LRFN5: variants seen among roughly 807,000 people sequenced by gnomAD.
LRFN5 encodes the protein leucine rich repeat and fibronectin type III domain containing 5, also known as leucine-rich repeat and fibronectin type-III domain-containing protein 5.
Under a neutral mutation model 45.6 loss-of-function variants are expected in LRFN5, and 24 were observed. That is an observed-to-expected ratio of 0.53 (90% confidence interval 0.38 to 0.74). The LOEUF is 0.74. Among genes scored for constraint, LRFN5 ranks in the 30% least tolerant of loss-of-function variants. The pLI, the probability that LRFN5 is intolerant of heterozygous loss-of-function variation, is 0.00. For synonymous variants in LRFN5, 340 were observed against 313.8 expected, an observed-to-expected ratio of 1.08 and a Z score of -0.88; for missense variants, 776 against 861.5, an observed-to-expected ratio of 0.90 and a Z score of 1.24.
At chr14:41,794,423 A>T (rs74045427) in intron 2 of LRFN5, among the ~76,000 whole-genome samples, 2,145 of 152,090 alleles carry the variant, frequency 0.014, 43 homozygotes, top group African/African-American at 0.049. Context: ...GACTTTTCTG[A>T]TTCATTTAAT....
intron 2 of LRFN5, among the ~76,000 whole-genome samples, chr14:41,848,873 A>C (rs1257834362): frequency 6.6e-6 from 1 of 152,072 alleles, no homozygotes; most frequent in Non-Finnish European, 1.5e-5. Context: ...GACCCTGAGA[A>C]TAAAGACTTC....
chr14:41,640,725 A>G (rs1315216786), intron 1 of LRFN5, among the ~76,000 whole-genome samples: 1 of 152,152 alleles, frequency 6.6e-6, no homozygotes, highest in Non-Finnish European at 1.5e-5. Flanking sequence ...TATTGTACAA[A>G]TAAATACTTT....
intron 2 of LRFN5, among the ~76,000 whole-genome samples, chr14:41,839,920 C>G (rs17781439): frequency 0.19 from 29,475 of 152,024 alleles, 3,720 homozygotes; most frequent in Middle Eastern, 0.33. Context: ...CAAATCAAGA[C>G]AGGCATGCTG....
At position 41,887,836 on chromosome 14, in the gene LRFN5, G is replaced by A; in HGVS notation, c.1211G>A (p.Gly404Asp). ...GATATCTCAACTTCTACCAAGTCAG[G>A]TTCTAATACAAGCAGTAGTAATGGT... ...SSDISTSTKS[G>D]SNTSSSNGDT... The change falls in exon 3 of 6, where the codon GGT (glycine) becomes GAT (aspartate). Residue 404 changes from glycine to aspartate, a missense_variant. By Grantham distance (94) the Gly-to-Asp change is moderately conservative (BLOSUM62 -1). This residue lies in a region of LRFN5 where 465 missense variants were observed against 456.4 expected (regional missense o/e 1.02). Coordinates refer to ENST00000298119, the MANE Select transcript of LRFN5 (RefSeq NM_152447.5). This position sits in a 1 kb window ranked among gnomAD's most constrained non-coding sequence, Gnocchi z 4.8. 1 of 1,614,012 alleles carries A rather than the reference G, an allele frequency of 6.2e-7. No individual in the cohort carries two copies. Among genetic ancestry groups the A allele is most frequent in the South Asian group, 1.1e-5 (1 of 91,080 alleles).
intron 1 of LRFN5, among the ~76,000 whole-genome samples, chr14:41,727,297 A>G (rs1406727718): frequency 6.6e-6 from 1 of 152,170 alleles, no homozygotes; most frequent in African/African-American, 2.4e-5. Flanking sequence ...ACATCAAATC[A>G]GCAATGGAGG....
chr14:41,788,425 T>A lies in LRFN5; in HGVS notation c.-21+21396T>A, dbSNP rs143737912. ...TTTTATCTGGATATTTACTCCCAAT[T>A]GTGTGAGGCCAGATATGGCGTAAGT... On this transcript the variant is annotated intron_variant, in intron 2 of 5. Transcript: ENST00000298119. Among the ~76,000 whole-genome samples the A allele has an allele frequency of 7.4e-4, 113 of 152,252 alleles. No homozygotes were observed. In the East Asian group the frequency reaches 0.021, roughly 28 times the overall value.
At chr14:41,768,715 T>G (rs1042210750) in intron 2 of LRFN5, among the ~76,000 whole-genome samples, 8 of 152,128 alleles carry the variant, frequency 5.3e-5, no homozygotes. Context: ...AATTAATAAT[T>G]TTTTGTATGT....
intron 2 of LRFN5, among the ~76,000 whole-genome samples, chr14:41,821,375 C>T (rs1487884806): frequency 1.3e-5 from 2 of 151,574 alleles, no homozygotes; most frequent in Non-Finnish European, 2.9e-5. Flanking sequence ...TGAATACTTT[C>T]TTTGCATCTA....
chr14:41,741,222 T>C (rs1424901241), intron 1 of LRFN5, among the ~76,000 whole-genome samples: 2 of 145,818 alleles, frequency 1.4e-5, no homozygotes, highest in East Asian at 2.0e-4. Flanking sequence ...AAAAGTCTAA[T>C]AGAAAAAAAT....
intron 2 of LRFN5, among the ~76,000 whole-genome samples, chr14:41,788,387 A>G (rs913229531): frequency 6.6e-6 from 1 of 151,736 alleles, no homozygotes; most frequent in African/African-American, 2.4e-5. Flanking sequence ...TTTTGTCCTT[A>G]TTCCTCTTAA....
chr14:41,665,157 G>C (rs2138645924), intron 1 of LRFN5, among the ~76,000 whole-genome samples: 1 of 151,772 alleles, frequency 6.6e-6, no homozygotes, highest in South Asian at 2.1e-4. Flanking sequence ...AAAAAAAATG[G>C]TCTCAAATTT....
At position 41,887,397 on chromosome 14, in the gene LRFN5, G is replaced by A; in HGVS notation, c.772G>A (p.Asp258Asn). Reference protein sequence around the residue: ...LLWLRRLSREDDLETCASPPL... With the variant: ...LLWLRRLSRENDLETCASPPL... ...GTGGTTGAGGCGTCTGTCCAGAGAA[G>A]ATGACTTAGAGACCTGTGCTTCTCC... Residue 258 changes from aspartate to asparagine, a missense_variant, in exon 3 of 6, where the codon GAT becomes AAT. Coordinates refer to ENST00000298119, the MANE Select transcript of LRFN5 (RefSeq NM_152447.5). This position sits in a 1 kb window ranked among gnomAD's most constrained non-coding sequence, Gnocchi z 4.8. 2 of 1,614,192 alleles carry A rather than the reference G, an allele frequency of 1.2e-6. No individual in the cohort carries two copies. The highest frequency in any genetic ancestry group is 1.7e-6 in the Non-Finnish European group (2 of 1,180,024).
intron 1 of LRFN5, among the ~76,000 whole-genome samples, chr14:41,661,192 T>C (rs1880636294): frequency 6.6e-6 from 1 of 151,786 alleles, no homozygotes; most frequent in Non-Finnish European, 1.5e-5. Flanking sequence ...GAAACTAAAA[T>C]CTCATCTTAT....
chr14:41,661,168 C>T (rs569029811), intron 1 of LRFN5, among the ~76,000 whole-genome samples: 152 of 151,498 alleles, frequency 1.0e-3, no homozygotes, highest in African/African-American at 3.4e-3. Context: ...GTTTCTAATC[C>T]CTTCTTCCTA....
chr14:41,690,839 T>A (rs1044609822), intron 1 of LRFN5, among the ~76,000 whole-genome samples: 5 of 152,172 alleles, frequency 3.3e-5, no homozygotes, highest in African/African-American at 1.2e-4. Context: ...TATTTACCCT[T>A]ATATCAAACT....
At chr14:41,748,044 A>G (rs77587577) in intron 1 of LRFN5, among the ~76,000 whole-genome samples, 1,990 of 152,184 alleles carry the variant, frequency 0.013, 14 homozygotes, top group Middle Eastern at 0.037. Context: ...AGCGATTTAA[A>G]CCTTTCTACG....
At chr14:41,679,044 G>A (rs1381182291) in intron 1 of LRFN5, among the ~76,000 whole-genome samples, 1 of 93,932 alleles carries the variant, frequency 1.1e-5, no homozygotes, top group Non-Finnish European at 2.0e-5. Flanking sequence ...TGTCCATGGA[G>A]TGAGTATTTA....
chr14:41,761,948 A>G (rs1238980647), intron 1 of LRFN5, among the ~76,000 whole-genome samples: 1 of 152,016 alleles, frequency 6.6e-6, no homozygotes, highest in African/African-American at 2.4e-5. Flanking sequence ...GAAATTTTGT[A>G]ATTAAATTTA....
chr14:41,791,430 A>G (rs1442971318), intron 2 of LRFN5, among the ~76,000 whole-genome samples: 1 of 152,136 alleles, frequency 6.6e-6, no homozygotes, highest in African/African-American at 2.4e-5. Context: ...GTGACCAATT[A>G]TGTCTGAAAA....
Sources: gnomAD v4.1 joint callset for allele counts (sites outside exome capture counted in the v4.1 genomes callset) on GRCh38, gnomAD v4.1.1 for gene constraint, gnomAD v4.1.1 regional missense constraint, Gnocchi (gnomAD v3.1) non-coding constraint, MANE v1.5 for transcripts, NCBI Gene and HGNC (gene_info 2026-07-23, HGNC 2026-07-21) for gene names.